RYR3: variants seen among roughly 807,000 people sequenced by gnomAD.
RYR3 encodes the protein brain ryanodine receptor-calcium release channel.
A neutral mutation model predicts 584.3 loss-of-function variants in RYR3; 207 were observed. The observed-to-expected ratio is 0.35, with a 90% CI of 0.32 to 0.40. The LOEUF (loss-of-function observed/expected upper bound fraction) is 0.40. Ranked by LOEUF, RYR3 falls within the 10% of genes least tolerant of loss-of-function variation. The pLI, the probability that RYR3 is intolerant of heterozygous loss-of-function variation, is 1.00. For missense variants in RYR3, 5,616 were observed against 6,089.2 expected, an observed-to-expected ratio of 0.92 and a Z score of 2.59; for synonymous variants, 2,416 against 2,248.5, an observed-to-expected ratio of 1.07 and a Z score of -2.11.
Position 33,473,669 on chromosome 15 carries a change from C to T in RYR3, c.171+131C>T, listed in dbSNP as rs932180509. ...ACACATTTATTTTTTAAATGGGAAG[C>T]AGATCTGGTTTAAACCATAACTTTC... On this transcript the variant is annotated intron_variant, in intron 2 of 103. Transcript: ENST00000634891. The T allele has an allele frequency of 6.5e-6, 6 of 924,238 alleles. No individual in the cohort carries two copies. In the African/African-American group the frequency reaches 8.4e-5, roughly 13 times the overall value. The allele number at this position is 924,238 out of a possible 1,614,324, so 57.3% of individuals were successfully genotyped here. A position where few individuals can be genotyped will look rare whatever the true frequency, so the allele number is the denominator to read the frequency against.
chr15:33,518,888 A>C (rs933939097), intron 3 of RYR3, among the ~76,000 whole-genome samples: 6 of 152,204 alleles, frequency 3.9e-5, no homozygotes, highest in African/African-American at 1.4e-4. Flanking sequence ...GAAATGTAGA[A>C]TGCAATTCTA....
At chr15:33,539,655 C>T (rs73384680) in intron 6 of RYR3, among the ~76,000 whole-genome samples, 193 bp downstream of exon 6, 5,756 of 152,124 alleles carry the variant, frequency 0.038, 340 homozygotes, top group African/African-American at 0.13. Flanking sequence ...GTGTAACTTT[C>T]GACTCCTAAA....
chr15:33,440,906 A>G (rs1157632524), intron 1 of RYR3, among the ~76,000 whole-genome samples: 3 of 152,248 alleles, frequency 2.0e-5, no homozygotes, highest in African/African-American at 2.4e-5. Context: ...GTCAGACAGC[A>G]GTGAGAGTAT....
chr15:33,539,202 C>A (rs1443574697), intron 5 of RYR3, 148 bp from the exon 6 acceptor site: 2 of 572,948 alleles, frequency 3.5e-6, no homozygotes, highest in African/African-American at 3.8e-5. Context: ...CTGTCTGGAA[C>A]GGTTAGAGAC....
At chr15:33,635,365 A>G (rs1442968342) in intron 25 of RYR3, among the ~76,000 whole-genome samples, 1 of 152,242 alleles carries the variant, frequency 6.6e-6, no homozygotes, top group African/African-American at 2.4e-5. Context: ...TCATAGGATT[A>G]TTGTGAGGGA....
chr15:33,639,971 G>C (rs1392687298), intron 27 of RYR3, among the ~76,000 whole-genome samples: 1 of 152,096 alleles, frequency 6.6e-6, no homozygotes, highest in Non-Finnish European at 1.5e-5. Flanking sequence ...TGAACATTCT[G>C]CTAGACCTCA....
chr15:33,414,700 G>T (rs1474202129), intron 1 of RYR3, among the ~76,000 whole-genome samples: 1 of 152,116 alleles, frequency 6.6e-6, no homozygotes, highest in Non-Finnish European at 1.5e-5. Flanking sequence ...CGCCTCCTGG[G>T]TTCACGCCAT....
At chr15:33,640,327 C>T (rs1355443957) in intron 27 of RYR3, among the ~76,000 whole-genome samples, 1 of 152,142 alleles carries the variant, frequency 6.6e-6, no homozygotes, top group Non-Finnish European at 1.5e-5. Context: ...TTGTTTTCTA[C>T]AAGGCTTGTG....
chr15:33,725,176 C>CACACACACACACACACACACATATAT (rs1596320438), intron 45 of RYR3, among the ~76,000 whole-genome samples: 1 of 124,626 alleles, frequency 8.0e-6, no homozygotes, highest in East Asian at 4.0e-4. Context: ...CACACACACA[C>CACACACACACACACACACACATATAT]ACACACACAC....
intron 16 of RYR3, among the ~76,000 whole-genome samples, chr15:33,595,814 C>A (rs911756628): frequency 7.2e-5 from 11 of 151,944 alleles, no homozygotes; most frequent in African/African-American, 2.7e-4. Context: ...AATGTAATAA[C>A]CTTAATTTAA....
intron 35 of RYR3, 112 bp downstream of exon 35, chr15:33,663,060 A>G (rs2063262398): frequency 4.5e-6 from 4 of 883,998 alleles, no homozygotes; most frequent in Non-Finnish European, 7.0e-6. Context: ...TGCTTGGCAT[A>G]GTGACTGACC....
intron 5 of RYR3, among the ~76,000 whole-genome samples, chr15:33,536,650 TA>T (rs55851926): frequency 0.84 from 127,113 of 151,952 alleles, 53,778 homozygotes; most frequent in Middle Eastern, 0.95. Flanking sequence ...CAGAGAACAT[TA>T]AAGATGCATA....
intron 43 of RYR3, among the ~76,000 whole-genome samples, chr15:33,709,486 G>A (rs2066942306): frequency 6.6e-6 from 1 of 152,198 alleles, no homozygotes; most frequent in Non-Finnish European, 1.5e-5. Flanking sequence ...GCATGTTTTA[G>A]AAACTTAATC....
chr15:33,762,481 A>G (rs1663307398), intron 60 of RYR3, among the ~76,000 whole-genome samples: 1 of 152,236 alleles, frequency 6.6e-6, no homozygotes, highest in Admixed American at 6.5e-5. Context: ...ACAGAGAGCC[A>G]AATCATGAGT....
intron 16 of RYR3, among the ~76,000 whole-genome samples, chr15:33,589,909 C>T (rs1324673068): frequency 6.6e-6 from 1 of 152,026 alleles, no homozygotes; most frequent in African/African-American, 2.4e-5. Context: ...CATGTGTGTC[C>T]GTGTGAAGAG....
intron 12 of RYR3, among the ~76,000 whole-genome samples, chr15:33,578,785 C>CAA (rs5811778): frequency 0.41 from 61,003 of 149,592 alleles, 13,525 homozygotes; most frequent in South Asian, 0.56. Flanking sequence ...AAAACAACAA[C>CAA]AAAAAAAAAC....
intron 3 of RYR3, among the ~76,000 whole-genome samples, chr15:33,505,831 G>A (rs986201007): frequency 6.6e-6 from 1 of 152,036 alleles, no homozygotes; most frequent in African/African-American, 2.4e-5. Context: ...CTTTTTCCAA[G>A]ATGTATCATA....
At chr15:33,411,495 G>A (rs2043404618) in intron 1 of RYR3, among the ~76,000 whole-genome samples, 1 of 152,196 alleles carries the variant, frequency 6.6e-6, no homozygotes, top group Admixed American at 6.5e-5. Flanking sequence ...TATGAGGATG[G>A]TTCAGATGGG....
rs138065320 is a variant in RYR3, at chr15:33,732,952, T to C, written c.7424+1258T>C. On this transcript the variant is annotated intron_variant, in intron 48 of 103. Coordinates refer to ENST00000634891, the MANE Select transcript of RYR3 (RefSeq NM_001036.6). ...TAATCACAGATGAAATTACTATGCATTGGGGAGCTAGGGCTACCTGGAAAA... is the reference window on the plus strand; with the variant it reads ...TAATCACAGATGAAATTACTATGCACTGGGGAGCTAGGGCTACCTGGAAAA... 1.1e-4 allele frequency among the ~76,000 whole-genome samples: 16 copies of C among 152,322 alleles called. No homozygotes were observed. The East Asian group carries it at 2.7e-3, about 26-fold the overall frequency.
Sources: gnomAD v4.1 joint callset for allele counts (sites outside exome capture counted in the v4.1 genomes callset) on GRCh38, gnomAD v4.1.1 for gene constraint, MANE v1.5 for transcripts, NCBI Gene and HGNC (gene_info 2026-07-23, HGNC 2026-07-21) for gene names.